FIP1L1: variants seen among roughly 807,000 people sequenced by gnomAD.
FIP1L1 encodes factor interacting with PAPOLA and CPSF1.
A neutral mutation model predicts 84.6 loss-of-function variants in FIP1L1; 21 were observed. The ratio of observed to expected loss-of-function variants is 0.25; its 90% CI spans 0.18 to 0.36. The LOEUF is 0.36. Among genes scored for constraint, FIP1L1 ranks in the 10% least tolerant of loss-of-function variants. The pLI, the probability that FIP1L1 is intolerant of heterozygous loss-of-function variation, is 1.00. For synonymous variants in FIP1L1, 263 were observed against 242.3 expected (o/e 1.09, Z -0.80); for missense variants, 526 against 751.1 (o/e 0.70, Z 3.50).
chr4:53,459,492 T>C lies in FIP1L1; in HGVS notation c.*43T>C. Reference sequence around the variant, plus strand: ...TGTGTATATTAGTACCAGAAGTAGATACTATAAATCTTGTTATTTTTCTGG... The same window carrying C: ...TGTGTATATTAGTACCAGAAGTAGACACTATAAATCTTGTTATTTTTCTGG... On this transcript the variant is annotated 3_prime_UTR_variant, in exon 18 of 18. Coordinates refer to ENST00000337488, the MANE Select transcript of FIP1L1 (RefSeq NM_030917.4). 1.2e-6 allele frequency: 2 copies of C among 1,611,982 alleles called. No homozygotes were observed. The highest frequency in any genetic ancestry group is 1.7e-6 in the Non-Finnish European group (2 of 1,178,410).
rs1560506528 is a variant in FIP1L1, at chr4:53,399,712, T to G, written c.706-18T>G. ...TGTTCTGTTAAATTCAACAAGCTAA[T>G]AACCTTTTTTTTTTAAGGTACAGCA... On this transcript the variant is annotated intron_variant, in intron 9 of 17. Transcript: ENST00000337488. 6.5e-7 allele frequency: 1 copy of G among 1,544,812 alleles called. No homozygotes were observed. The highest frequency in any genetic ancestry group is 1.1e-5 in the South Asian group (1 of 88,606).
intron 9 of FIP1L1, among the ~76,000 whole-genome samples, chr4:53,398,355 C>T (rs1748500653): frequency 6.6e-6 from 1 of 152,032 alleles, no homozygotes; most frequent in African/African-American, 2.4e-5. Context: ...ATGTAAGATC[C>T]TCATTATATG....
chr4:53,420,453 A>G (rs35164248), intron 11 of FIP1L1, among the ~76,000 whole-genome samples: 4 of 33,624 alleles, frequency 1.2e-4, no homozygotes, highest in Non-Finnish European at 5.2e-4. Flanking sequence ...AAAAAAGATA[A>G]ATCAGACACT....
In FIP1L1 at chr4:53,422,283, A is replaced by G. The variant is rs1014914487; in HGVS notation, c.924-3589A>G. Among the ~76,000 whole-genome samples the G allele has an allele frequency of 3.3e-5, 5 of 151,588 alleles. No homozygotes were observed. The East Asian group carries it at 7.8e-4, about 24-fold the overall frequency. ...AATTACATTTTATCTTAGTGTCACCATTTTTCCTTTTTTAAGTATTGTTTC... is the reference window on the plus strand; with the variant it reads ...AATTACATTTTATCTTAGTGTCACCGTTTTTCCTTTTTTAAGTATTGTTTC... On this transcript the variant is annotated intron_variant, in intron 11 of 17. Coordinates refer to ENST00000337488, the MANE Select transcript of FIP1L1 (RefSeq NM_030917.4).
intron 15 of FIP1L1, among the ~76,000 whole-genome samples, chr4:53,451,116 C>T (rs1470411167): frequency 1.3e-5 from 2 of 151,880 alleles, no homozygotes; most frequent in Non-Finnish European, 2.9e-5. Flanking sequence ...AGGCATGCGC[C>T]ACCATGCCTG....
In FIP1L1 at chr4:53,443,719, C is replaced by A. The variant is rs564386387; in HGVS notation, c.1230-329C>A. ...GAATTACTGATTTATCACCAAAAAA[C>A]CAATTATTTAAGACTAAATTTTTAG... On this transcript the variant is annotated intron_variant, in intron 14 of 17. Coordinates refer to ENST00000337488, the MANE Select transcript of FIP1L1 (RefSeq NM_030917.4). Among the ~76,000 whole-genome samples, 20 of 152,136 alleles carry A rather than the reference C, an allele frequency of 1.3e-4. No homozygotes were observed. The South Asian group carries it at 2.9e-3, about 22-fold the overall frequency.
intron 11 of FIP1L1, among the ~76,000 whole-genome samples, chr4:53,420,212 A>AAAAAAAAAAAC (rs1761714178): frequency 7.0e-6 from 1 of 142,964 alleles, no homozygotes; most frequent in African/African-American, 2.8e-5. Context: ...AAAAAAAAAA[A>AAAAAAAAAAAC]AAAAAAAAAA....
rs561577773 is a variant in FIP1L1, at chr4:53,419,674, A to G, written c.923+4952A>G. On this transcript the variant is annotated intron_variant, in intron 11 of 17. Coordinates refer to ENST00000337488, the MANE Select transcript of FIP1L1 (RefSeq NM_030917.4). Reference sequence around the variant, plus strand: ...GGCTGATCTTGATCTCCTGAACTCAAGTGATTCTCCTGCCTCGGCCTACTC... The same window carrying G: ...GGCTGATCTTGATCTCCTGAACTCAGGTGATTCTCCTGCCTCGGCCTACTC... 2.2e-4 allele frequency among the ~76,000 whole-genome samples: 34 copies of G among 152,216 alleles called. No individual in the cohort carries two copies. The South Asian group carries it at 6.6e-3, about 30-fold the overall frequency.
intron 11 of FIP1L1, among the ~76,000 whole-genome samples, chr4:53,423,512 T>C (rs150545795): frequency 6.6e-6 from 1 of 152,346 alleles, no homozygotes; most frequent in African/African-American, 2.4e-5. Flanking sequence ...TTCCATAATG[T>C]GGCATCAGAA....
intron 15 of FIP1L1, among the ~76,000 whole-genome samples, chr4:53,448,786 T>A (rs1229370460): frequency 6.6e-6 from 1 of 152,140 alleles, no homozygotes; most frequent in Admixed American, 6.5e-5. Flanking sequence ...GATCAAGGAC[T>A]TTCTCTCCAT....
chr4:53,401,476 C>T (rs1750231942), intron 10 of FIP1L1, among the ~76,000 whole-genome samples: 1 of 152,018 alleles, frequency 6.6e-6, no homozygotes, highest in Non-Finnish European at 1.5e-5. Context: ...AACAGGGAGG[C>T]CAGTTAGGAG....
intron 10 of FIP1L1, among the ~76,000 whole-genome samples, chr4:53,403,147 G>A (rs1051149212): frequency 7.2e-5 from 11 of 152,166 alleles, no homozygotes; most frequent in African/African-American, 2.7e-4. Context: ...CTGGAGTGAA[G>A]TGTGGGGTCA....
intron 13 of FIP1L1, 107 bp from the exon 14 acceptor site, chr4:53,442,546 C>T (rs1772412406): frequency 9.7e-6 from 7 of 725,250 alleles, no homozygotes; most frequent in Non-Finnish European, 1.2e-5. Flanking sequence ...CATAGAGAAG[C>T]ACATTCATAT....
At chr4:53,440,901 C>A in intron 13 of FIP1L1, 1 of 262,816 alleles carries the variant, frequency 3.8e-6, no homozygotes, top group South Asian at 6.0e-5. Context: ...TTAAAAATGT[C>A]TTTACAGACC....
intron 10 of FIP1L1, among the ~76,000 whole-genome samples, chr4:53,412,460 T>A (rs1169750671): frequency 6.6e-6 from 1 of 152,130 alleles, no homozygotes; most frequent in East Asian, 1.9e-4. Context: ...CTTTTTGTTT[T>A]TCTTAAATCT....
At chr4:53,443,245 G>A (rs541357995) in intron 14 of FIP1L1, among the ~76,000 whole-genome samples, 1 of 152,186 alleles carries the variant, frequency 6.6e-6, no homozygotes, top group African/African-American at 2.4e-5. Context: ...TTCATGGGTG[G>A]CAGTATGGTG....
At chr4:53,410,002 C>T (rs1553915528) in intron 10 of FIP1L1, among the ~76,000 whole-genome samples, 2 of 152,360 alleles carry the variant, frequency 1.3e-5, no homozygotes, top group Non-Finnish European at 2.9e-5. Context: ...ACCCACTGTC[C>T]TGCGCCCACT....
intron 5 of FIP1L1, among the ~76,000 whole-genome samples, chr4:53,387,955 C>T (rs1418990929): frequency 1.3e-5 from 2 of 152,162 alleles, no homozygotes; most frequent in Admixed American, 6.5e-5. Flanking sequence ...GCTCAGTAAG[C>T]ATTACATGAA....
intron 9 of FIP1L1, 34 bp downstream of exon 9, chr4:53,391,532 A>AT (rs1186650735): frequency 6.5e-7 from 1 of 1,534,312 alleles, no homozygotes; most frequent in Non-Finnish European, 9.0e-7. Flanking sequence ...GGTTGCTCTC[A>AT]TTTTTTGTTC....
Sources: gnomAD v4.1 joint callset for allele counts (sites outside exome capture counted in the v4.1 genomes callset) on GRCh38, gnomAD v4.1.1 for gene constraint, MANE v1.5 for transcripts, NCBI Gene and HGNC (gene_info 2026-07-23, HGNC 2026-07-21) for gene names.